Variants in CSPP1 observed in about 807,000 individuals in gnomAD.
CSPP1 encodes the protein centrosome and spindle pole associated protein 1.
In CSPP1, 126 loss-of-function variants were observed where a neutral mutation model predicts 164.4. The ratio of observed to expected loss-of-function variants is 0.77; its 90% CI spans 0.66 to 0.89. CSPP1 has a LOEUF of 0.89. Among genes scored for constraint, CSPP1 ranks in the 40% least tolerant of loss-of-function variants. CSPP1 has a pLI of 0.00. For missense variants in CSPP1, 1,395 were observed against 1,449.8 expected, an observed-to-expected ratio of 0.96 and a Z score of 0.61; for synonymous variants, 472 against 476.7, an observed-to-expected ratio of 0.99 and a Z score of 0.13.
At chr8:67,179,159 G>A (rs1274934251) in intron 27 of CSPP1, among the ~76,000 whole-genome samples, 6 of 152,074 alleles carry the variant, frequency 3.9e-5, no homozygotes, top group African/African-American at 1.4e-4. Flanking sequence ...CTGACATGTT[G>A]GTTATTATTC....
intron 17 of CSPP1, among the ~76,000 whole-genome samples, chr8:67,149,005 C>A (rs1057288382): frequency 1.3e-5 from 2 of 152,090 alleles, no homozygotes; most frequent in African/African-American, 4.8e-5. Flanking sequence ...CTGTCTCAGG[C>A]TCCCTCATAA....
chr8:67,103,469 A>C (rs779728331), intron 8 of CSPP1, among the ~76,000 whole-genome samples: 3 of 152,110 alleles, frequency 2.0e-5, no homozygotes, highest in Non-Finnish European at 2.9e-5. Flanking sequence ...AAAATATCTT[A>C]GAGTCATGGT....
chr8:67,157,275 T>C lies in CSPP1; in HGVS notation c.2242-1172T>C, dbSNP rs118103431. Reference sequence around the variant, plus strand: ...GAAAAAGCCCTAGTATATAAAATCATAGGATGTGTTAGAAGATTAAAGTTC... The same window carrying C: ...GAAAAAGCCCTAGTATATAAAATCACAGGATGTGTTAGAAGATTAAAGTTC... On this transcript the variant is annotated intron_variant, in intron 19 of 30. Transcript: ENST00000678616. Among the ~76,000 whole-genome samples, 399 of 152,202 alleles carry C rather than the reference T, an allele frequency of 2.6e-3. 8 individuals carry two copies. The East Asian group carries it at 0.038, about 15-fold the overall frequency.
At position 67,132,037 on chromosome 8, in the gene CSPP1, CCAAA is replaced by C. The variant is rs1409618249; in HGVS notation, c.1787_1790del (p.Lys596SerfsTer35). The C allele has an allele frequency of 4.3e-6, 7 of 1,613,602 alleles. No individual in the cohort carries two copies. The highest frequency in any genetic ancestry group is 3.3e-5 in the South Asian group (3 of 91,000). On this transcript the variant is annotated frameshift_variant, in exon 16 of 31. Coordinates refer to ENST00000678616, the MANE Select transcript of CSPP1 (RefSeq NM_001382391.1). LOFTEE classifies it high-confidence loss of function. Reference sequence around the variant, plus strand: ...ATTTTTGAAGATAAACCGAAACCTTCCAAACAGTCACTTCAGTCTTACCAAGAGG... The same window carrying C: ...ATTTTTGAAGATAAACCGAAACCTTCCAGTCACTTCAGTCTTACCAAGAGG...
chr8:67,139,638 A>G (rs538951824), intron 17 of CSPP1, among the ~76,000 whole-genome samples: 1 of 152,372 alleles, frequency 6.6e-6, no homozygotes, highest in East Asian at 1.9e-4. Flanking sequence ...TGTGGCACAT[A>G]TACACCATGG....
intron 22 of CSPP1, 87 bp from the exon 23 acceptor site, chr8:67,163,645 C>A: frequency 2.1e-6 from 2 of 949,514 alleles, no homozygotes; most frequent in South Asian, 1.6e-5. Context: ...GTTTCCTTTA[C>A]ATATAAATAC....
intron 2 of CSPP1, 28 bp from the exon 3 acceptor site, chr8:67,076,450 TCTTG>T (rs746343607): frequency 1.5e-6 from 2 of 1,318,892 alleles, no homozygotes; most frequent in Non-Finnish European, 1.1e-6. Flanking sequence ...TTTTTTTTCC[TCTTG>T]CTTTTGTAAA....
In CSPP1 at chr8:67,161,689, A is replaced by G. The variant is rs1828383871; in HGVS notation, c.2539-122A>G. 3 of 543,378 alleles carry G rather than the reference A, an allele frequency of 5.5e-6. No individual in the cohort carries two copies. In the East Asian group the frequency reaches 8.7e-5, roughly 16 times the overall value. The allele number at this position is 543,378 out of a possible 1,614,324, so 33.7% of individuals were successfully genotyped here. ...TTTTGTAGAAAGCATTTTATTAAAT[A>G]AAAGCAATAACAATCTAAACTTCTT... On this transcript the variant is annotated intron_variant, in intron 21 of 30. Transcript: ENST00000678616.
In CSPP1 at chr8:67,074,229, A is replaced by T; in HGVS notation, c.-10-14A>T. 1.3e-6 allele frequency: 2 copies of T among 1,528,104 alleles called. No individual in the cohort carries two copies. Among genetic ancestry groups the T allele is most frequent in the East Asian group, 2.3e-5 (1 of 43,914 alleles). 94.7% of individuals were successfully genotyped at this position (1,528,104 alleles called of 1,614,324 possible). A position where few individuals can be genotyped will look rare whatever the true frequency, so the allele number is the denominator to read the frequency against. ...CTGTGATATAGATACGCTCACTGAAATTTTTTTTTAAAGAATCTGCAAAAT... is the reference window on the plus strand; with the variant it reads ...CTGTGATATAGATACGCTCACTGAATTTTTTTTTTAAAGAATCTGCAAAAT... On this transcript the variant is annotated splice_polypyrimidine_tract_variant and intron_variant, in intron 1 of 30. Transcript: ENST00000678616.
intron 15 of CSPP1, among the ~76,000 whole-genome samples, chr8:67,124,009 C>A (rs966071230): frequency 6.6e-6 from 1 of 150,932 alleles, no homozygotes; most frequent in South Asian, 2.1e-4. Flanking sequence ...ATGTCATTCT[C>A]CTGCCTCAGC....
chr8:67,183,785 C>T (rs777678890), intron 28 of CSPP1, among the ~76,000 whole-genome samples: 5 of 149,682 alleles, frequency 3.3e-5, no homozygotes, highest in Non-Finnish European at 5.9e-5. Flanking sequence ...GATAAAAAAC[C>T]AAAGCCACAA....
chr8:67,146,168 G>T (rs1160398838), intron 17 of CSPP1, among the ~76,000 whole-genome samples: 1 of 149,466 alleles, frequency 6.7e-6, no homozygotes, highest in Non-Finnish European at 1.5e-5. Flanking sequence ...TGTCACCCAG[G>T]CTGTAATGCA....
chr8:67,153,844 T>C (rs1477877236), intron 18 of CSPP1, among the ~76,000 whole-genome samples, 180 bp from the exon 19 acceptor site: 1 of 152,094 alleles, frequency 6.6e-6, no homozygotes, highest in Non-Finnish European at 1.5e-5. Context: ...ACCATTTTTC[T>C]TTCTCTTACT....
intron 15 of CSPP1, among the ~76,000 whole-genome samples, chr8:67,122,788 CTG>C (rs1563615927): frequency 6.6e-6 from 1 of 151,858 alleles, no homozygotes; most frequent in Non-Finnish European, 1.5e-5. Flanking sequence ...CCTTGATCTT[CTG>C]TGTAGTTGTT....
intron 21 of CSPP1, among the ~76,000 whole-genome samples, chr8:67,159,884 CTTT>C: frequency 1.6e-5 from 1 of 63,436 alleles, no homozygotes; most frequent in South Asian, 6.4e-4. Flanking sequence ...TTCTTTCTTT[CTTT>C]CTTTCTTTCT....
intron 8 of CSPP1, among the ~76,000 whole-genome samples, chr8:67,105,487 TCTCCTGTGTCAGC>T (rs1815296651): frequency 6.6e-6 from 1 of 152,166 alleles, no homozygotes; most frequent in Non-Finnish European, 1.5e-5. Context: ...TTCAAGTGAT[TCTCCTGTGTCAGC>T]CTCCTGAGTA....
At chr8:67,159,920 CT>C (rs1361111659) in intron 21 of CSPP1, among the ~76,000 whole-genome samples, 19 of 51,278 alleles carry the variant, frequency 3.7e-4, no homozygotes, top group African/African-American at 7.3e-4. Flanking sequence ...TTCTTTCTTT[CT>C]TTCCTTTCCT....
chr8:67,195,123 G>C (rs957655203), intron 30 of CSPP1, among the ~76,000 whole-genome samples: 6 of 152,102 alleles, frequency 3.9e-5, no homozygotes, highest in African/African-American at 1.4e-4. Context: ...GAATCCCTCT[G>C]GTTGCTAGTG....
At chr8:67,092,269 T>C (rs181477442) in intron 5 of CSPP1, among the ~76,000 whole-genome samples, 458 of 152,298 alleles carry the variant, frequency 3.0e-3, no homozygotes, top group Middle Eastern at 0.017. Context: ...AAGGGTTCTT[T>C]GAATGTGTGA....
Sources: allele counts gnomAD v4.1 joint callset (sites outside exome capture counted in the v4.1 genomes callset), GRCh38; gene constraint gnomAD v4.1.1; transcripts MANE v1.5; gene names NCBI Gene and HGNC (gene_info 2026-07-23, HGNC 2026-07-21).